The following LRRC20 variants were observed in gnomAD, a reference collection of about 807,000 sequenced individuals.
LRRC20 encodes the protein leucine-rich repeat-containing protein 20.
A neutral mutation model predicts 14.4 loss-of-function variants in LRRC20; 11 were observed. The ratio of observed to expected loss-of-function variants is 0.77; its 90% confidence interval spans 0.48 to 1.27. The LOEUF is 1.27. LRRC20 is among the 50% of genes most tolerant of loss of function. LRRC20 has a pLI of 0.00. For missense variants in LRRC20, 219 were observed against 251.2 expected (o/e 0.87, Z 0.87); for synonymous variants, 121 against 107.3 (o/e 1.13, Z -0.79).
intron 2 of LRRC20, among the ~76,000 whole-genome samples, chr10:70,362,809 C>T (rs551695890): frequency 2.6e-3 from 395 of 152,296 alleles, no homozygotes; most frequent in Non-Finnish European, 4.3e-3. Flanking sequence ...GGAGTGAGGG[C>T]AGGGGGTGCT....
intron 4 of LRRC20, among the ~76,000 whole-genome samples, chr10:70,320,999 C>A (rs762013063): frequency 1.3e-5 from 2 of 152,218 alleles, no homozygotes; most frequent in Non-Finnish European, 2.9e-5. Flanking sequence ...GTCTTTCCAG[C>A]GCCAGGTTGG....
chr10:70,313,389 A>G (rs1292272565), intron 4 of LRRC20, among the ~76,000 whole-genome samples: 1 of 151,988 alleles, frequency 6.6e-6, no homozygotes, highest in Admixed American at 6.6e-5. Context: ...CTGCCTCAGA[A>G]TTGGTGGTGC....
rs561888807 is a variant in LRRC20, at chr10:70,348,951, A to G, written c.83-8249T>C. 5.9e-5 allele frequency among the ~76,000 whole-genome samples: 9 copies of G among 152,368 alleles called. No individual in the cohort carries two copies. In the South Asian group the frequency reaches 1.9e-3, roughly 32 times the overall value. ...GTTCAATGTTGGGCCCTGAGTTTAT[A>G]GGAACAGACGGCACTGCTGCCAGAG... On this transcript the variant is annotated intron_variant, in intron 2 of 4. Coordinates refer to ENST00000446961, the MANE Select transcript of LRRC20 (RefSeq NM_001278212.2).
chr10:70,314,090 C>G (rs1378323809), intron 4 of LRRC20, among the ~76,000 whole-genome samples: 2 of 152,128 alleles, frequency 1.3e-5, no homozygotes, highest in Non-Finnish European at 2.9e-5. Context: ...TTATTCATTA[C>G]CACGAGAAAG....
At chr10:70,330,117 C>T (rs1261291703) in intron 3 of LRRC20, among the ~76,000 whole-genome samples, 21 of 152,198 alleles carry the variant, frequency 1.4e-4, no homozygotes, top group Admixed American at 1.4e-3. Flanking sequence ...ATATCAACTT[C>T]ATAGCATGGA....
At chr10:70,355,608 A>AT (rs1843490089) in intron 2 of LRRC20, among the ~76,000 whole-genome samples, 1 of 151,924 alleles carries the variant, frequency 6.6e-6, no homozygotes, top group African/African-American at 2.4e-5. Flanking sequence ...GTTTAGGGGG[A>AT]TTTTTTTCTT....
intron 2 of LRRC20, among the ~76,000 whole-genome samples, chr10:70,354,523 A>G (rs1010803589): frequency 6.6e-6 from 1 of 152,216 alleles, no homozygotes; most frequent in Non-Finnish European, 1.5e-5. Flanking sequence ...CCAGTCCCAC[A>G]GAATCAGAAA....
intron 2 of LRRC20, among the ~76,000 whole-genome samples, chr10:70,362,722 C>A (rs1364150386): frequency 2.3e-5 from 3 of 128,936 alleles, no homozygotes; most frequent in Non-Finnish European, 5.3e-5. Flanking sequence ...GAGCAGCGTG[C>A]CTCAAGGGGG....
At chr10:70,324,757 G>A (rs1440069744) in intron 3 of LRRC20, among the ~76,000 whole-genome samples, 1 of 152,158 alleles carries the variant, frequency 6.6e-6, no homozygotes. Context: ...GAGCTGGGGG[G>A]CAGGAAGCAA....
intron 2 of LRRC20, among the ~76,000 whole-genome samples, chr10:70,345,624 G>T (rs147328024): frequency 6.6e-6 from 1 of 152,028 alleles, no homozygotes; most frequent in African/African-American, 2.4e-5. Flanking sequence ...AGGAAAGGAC[G>T]TAAGATATTT....
At chr10:70,370,730 G>A (rs1844234556) in intron 2 of LRRC20, among the ~76,000 whole-genome samples, 2 of 151,298 alleles carry the variant, frequency 1.3e-5, no homozygotes, top group Middle Eastern at 3.4e-3. Context: ...GCAACAGAGT[G>A]GGACTCCATT....
intron 2 of LRRC20, among the ~76,000 whole-genome samples, chr10:70,350,561 C>G (rs1843263385): frequency 6.6e-6 from 1 of 152,162 alleles, no homozygotes; most frequent in Non-Finnish European, 1.5e-5. Context: ...TTCAGGAGCG[C>G]CTGATTGAGC....
At chr10:70,360,131 G>A (rs918513891) in intron 2 of LRRC20, among the ~76,000 whole-genome samples, 1 of 151,982 alleles carries the variant, frequency 6.6e-6, no homozygotes, top group Non-Finnish European at 1.5e-5. Context: ...GGCCAGGCTG[G>A]TCTTGAACTC....
intron 2 of LRRC20, among the ~76,000 whole-genome samples, chr10:70,357,228 C>T (rs1843558666): frequency 6.6e-6 from 1 of 152,156 alleles, no homozygotes; most frequent in Admixed American, 6.6e-5. Flanking sequence ...AAGGACTCCG[C>T]ATGGTACAGG....
At chr10:70,371,034 A>C (rs1844245154) in intron 2 of LRRC20, among the ~76,000 whole-genome samples, 1 of 152,216 alleles carries the variant, frequency 6.6e-6, no homozygotes, top group Non-Finnish European at 1.5e-5. Context: ...ATGATTAAAG[A>C]AATAAAAAAT....
At chr10:70,326,060 G>T (rs1015685408) in intron 3 of LRRC20, among the ~76,000 whole-genome samples, 10 of 152,112 alleles carry the variant, frequency 6.6e-5, no homozygotes, top group African/African-American at 2.4e-4. Flanking sequence ...CATGCTGAGA[G>T]AGGCTGTAAA....
chr10:70,365,604 T>C (rs1051768745), intron 2 of LRRC20, among the ~76,000 whole-genome samples: 4 of 152,126 alleles, frequency 2.6e-5, no homozygotes, highest in Non-Finnish European at 5.9e-5. Context: ...AATAGGAGGA[T>C]CTCTTGAGCC....
intron 2 of LRRC20, among the ~76,000 whole-genome samples, chr10:70,344,692 G>T (rs1170627319): frequency 6.6e-6 from 1 of 151,878 alleles, no homozygotes; most frequent in African/African-American, 2.4e-5. Context: ...TCAGCTTCCC[G>T]GGTAGCTGGG....
Position 70,340,684 on chromosome 10 carries a change from A to G in LRRC20, c.101T>C (p.Leu34Pro), listed in dbSNP as rs200527688. ...SDTLDLAECK[L>P]VSFPIGIYKV... is the part of the protein sequence containing the mutation. ...GTAGATGCCAATGGGAAAGGAGACC[A>G]GCTTGCACTCGGCCAGGTCTGCAGC... The change falls in exon 3 of 5, where the codon CTG (leucine) becomes CCG (proline). Residue 34 changes from leucine to proline, a missense_variant. Coordinates refer to ENST00000446961, the MANE Select transcript of LRRC20 (RefSeq NM_001278212.2). 1 of 1,614,206 alleles carries G rather than the reference A, an allele frequency of 6.2e-7. No individual in the cohort carries two copies. Among genetic ancestry groups the G allele is most frequent in the East Asian group, 2.2e-5 (1 of 44,886 alleles).
Sources: allele counts gnomAD v4.1 joint callset (sites outside exome capture counted in the v4.1 genomes callset), GRCh38; gene constraint gnomAD v4.1.1; transcripts MANE v1.5; gene names NCBI Gene and HGNC (gene_info 2026-07-23, HGNC 2026-07-21).